Variants in PITPNB observed in about 807,000 individuals in gnomAD.
PITPNB encodes phosphatidylinositol transfer protein beta.
In PITPNB, 16 loss-of-function variants were observed where a neutral mutation model predicts 45.9. The ratio of observed to expected loss-of-function variants is 0.35; its 90% CI spans 0.24 to 0.53. PITPNB has a LOEUF of 0.53. PITPNB is among the 20% of genes least tolerant of loss of function. The pLI, the probability that PITPNB is intolerant of heterozygous loss-of-function variation, is 0.93. For missense variants in PITPNB, 188 were observed against 330.5 expected, an observed-to-expected ratio of 0.57 and a Z score of 3.34; for synonymous variants, 112 against 108.9, an observed-to-expected ratio of 1.03 and a Z score of -0.18.
At chr22:27,867,630 C>G (rs1053196065) in intron 8 of PITPNB, among the ~76,000 whole-genome samples, 1 of 152,080 alleles carries the variant, frequency 6.6e-6, no homozygotes, top group Non-Finnish European at 1.5e-5. Context: ...GGTGATTACT[C>G]CAGGAGTGAC....
intron 3 of PITPNB, among the ~76,000 whole-genome samples, chr22:27,900,321 G>C (rs1470427042): frequency 2.0e-5 from 3 of 151,954 alleles, no homozygotes; most frequent in Non-Finnish European, 4.4e-5. Context: ...GATATGTGAA[G>C]AACCTTAATA....
intron 1 of PITPNB, 149 bp from the exon 2 acceptor site, chr22:27,914,496 C>A: frequency 3.6e-6 from 2 of 553,222 alleles, no homozygotes; most frequent in South Asian, 2.5e-5. Context: ...GGAAGAGGGT[C>A]TTTGCAATGC....
chr22:27,914,837 G>A (rs1395792271), intron 1 of PITPNB, among the ~76,000 whole-genome samples: 1 of 152,060 alleles, frequency 6.6e-6, no homozygotes, highest in African/African-American at 2.4e-5. Context: ...TATTCCTCAA[G>A]TTTACTAAGA....
At chr22:27,883,023 C>A (rs1935018802) in intron 7 of PITPNB, among the ~76,000 whole-genome samples, 1 of 152,168 alleles carries the variant, frequency 6.6e-6, no homozygotes, top group Non-Finnish European at 1.5e-5. Context: ...CTTTGGGTGT[C>A]CAATCCTTTT....
At chr22:27,880,718 G>C (rs920570778) in intron 7 of PITPNB, among the ~76,000 whole-genome samples, 1 of 152,026 alleles carries the variant, frequency 6.6e-6, no homozygotes, top group African/African-American at 2.4e-5. Context: ...CGCCTCCCAG[G>C]TTCAAGCGAT....
chr22:27,918,570 A>G (rs980661113), intron 1 of PITPNB, among the ~76,000 whole-genome samples: 1 of 152,230 alleles, frequency 6.6e-6, no homozygotes, highest in Non-Finnish European at 1.5e-5. Flanking sequence ...ATCTTAAAAC[A>G]TGCGGAAACC....
chr22:27,911,790 T>C (rs1037801854), intron 2 of PITPNB, among the ~76,000 whole-genome samples: 1 of 152,196 alleles, frequency 6.6e-6, no homozygotes, highest in African/African-American at 2.4e-5. Flanking sequence ...AAACAGAAAC[T>C]GTTTTTAAAG....
chr22:27,906,992 T>C (rs1254489236), intron 3 of PITPNB, among the ~76,000 whole-genome samples: 3 of 152,168 alleles, frequency 2.0e-5, no homozygotes, highest in Non-Finnish European at 2.9e-5. Flanking sequence ...ACTTGAGTTA[T>C]ACTGGCTAAA....
At chr22:27,854,803 A>C in intron 11 of PITPNB, 51 bp downstream of exon 11, 2 of 1,093,200 alleles carry the variant, frequency 1.8e-6, no homozygotes, top group Non-Finnish European at 2.7e-6. Context: ...ACTGCCCATC[A>C]CCAAAAAGGT....
chr22:27,908,748 T>C (rs12159201), intron 3 of PITPNB, among the ~76,000 whole-genome samples: 61 of 152,238 alleles, frequency 4.0e-4, no homozygotes, highest in African/African-American at 1.4e-3. Context: ...AAATCTTCTC[T>C]CAATAGACAT....
intron 5 of PITPNB, chr22:27,896,899 T>C: frequency 1.6e-6 from 1 of 612,706 alleles, no homozygotes; most frequent in Non-Finnish European, 3.0e-6. Flanking sequence ...AATATGGCGT[T>C]TGAAGGGAGT....
intron 10 of PITPNB, among the ~76,000 whole-genome samples, chr22:27,855,696 T>C (rs5762386): frequency 0.18 from 27,704 of 152,190 alleles, 2,630 homozygotes; most frequent in South Asian, 0.3. Flanking sequence ...GAGCCTCAAC[T>C]CCAGGGCAGT....
rs1934078567 is a variant in PITPNB, at chr22:27,853,289, T to C, written c.*413A>G. On this transcript the variant is annotated 3_prime_UTR_variant, in exon 12 of 12. Transcript: ENST00000335272. ...CAGCTAGTATTACATTGCAGTCAAT[T>C]TGTCCATTAATGGTATTACTCTGAT... The C allele has an allele frequency of 3.7e-6, 1 of 273,112 alleles. No homozygotes were observed. The highest frequency in any genetic ancestry group is 1.6e-4 in the South Asian group (1 of 6,394). 16.9% of individuals were successfully genotyped at this position (273,112 alleles called of 1,614,324 possible). A position where few individuals can be genotyped will look rare whatever the true frequency, so the allele number is the denominator to read the frequency against.
chr22:27,896,500 G>T, intron 6 of PITPNB, 52 bp downstream of exon 6: 1 of 1,153,246 alleles, frequency 8.7e-7, no homozygotes, highest in Non-Finnish European at 1.3e-6. Flanking sequence ...ACTACATATA[G>T]AATTCTCGTT....
chr22:27,908,938 T>A (rs1398889207), intron 3 of PITPNB, among the ~76,000 whole-genome samples: 1 of 152,150 alleles, frequency 6.6e-6, no homozygotes, highest in Non-Finnish European at 1.5e-5. Flanking sequence ...TATAAAGAGA[T>A]AAGATTATGT....
At chr22:27,912,616 A>G (rs1015688379) in intron 2 of PITPNB, among the ~76,000 whole-genome samples, 3 of 151,864 alleles carry the variant, frequency 2.0e-5, no homozygotes, top group African/African-American at 4.8e-5. Flanking sequence ...GTTTTCTCTC[A>G]TTCTCCTTTT....
chr22:27,908,270 A>T (rs754917734), intron 3 of PITPNB, among the ~76,000 whole-genome samples: 6 of 140,936 alleles, frequency 4.3e-5, no homozygotes, highest in Non-Finnish European at 9.4e-5. Flanking sequence ...GGGATTTTTT[A>T]AATCACCCAT....
At chr22:27,856,039 T>A (rs1601371924) in intron 10 of PITPNB, among the ~76,000 whole-genome samples, 1 of 152,320 alleles carries the variant, frequency 6.6e-6, no homozygotes, top group African/African-American at 2.4e-5. Context: ...AGCAGCAGCA[T>A]CTTGATTCTG....
intron 7 of PITPNB, 76 bp downstream of exon 7, chr22:27,894,479 A>G: frequency 1.2e-6 from 1 of 817,614 alleles, no homozygotes; most frequent in Non-Finnish European, 2.1e-6. Context: ...TTTTTAACTT[A>G]ATCCCAAATG....
Sources: allele counts gnomAD v4.1 joint callset (sites outside exome capture counted in the v4.1 genomes callset), GRCh38; gene constraint gnomAD v4.1.1; transcripts MANE v1.5; gene names NCBI Gene and HGNC (gene_info 2026-07-23, HGNC 2026-07-21).